USP31: variants seen among roughly 807,000 people sequenced by gnomAD.
The protein encoded by USP31 is ubiquitin carboxyl-terminal hydrolase 31.
A neutral mutation model predicts 119.4 loss-of-function variants in USP31; 44 were observed. The observed-to-expected ratio is 0.37, with a 90% confidence interval of 0.29 to 0.47. The LOEUF (loss-of-function observed/expected upper bound fraction) is 0.47, where lower values mean the gene tolerates loss of function less well. Ranked by LOEUF, USP31 falls within the 20% of genes least tolerant of loss-of-function variation. The pLI, the probability that USP31 is intolerant of heterozygous loss-of-function variation, is 0.99. For missense variants in USP31, 1,643 were observed against 1,730.2 expected, an observed-to-expected ratio of 0.95 and a Z score of 0.89; for synonymous variants, 749 against 705.6, an observed-to-expected ratio of 1.06 and a Z score of -0.97.
rs1903638512 is a variant in USP31, at chr16:23,149,135, G to GCCCGGACGC, written c.127_135dup (p.Ala43_Gly45dup). On this transcript the variant is annotated inframe_insertion, in exon 1 of 16. Transcript: ENST00000219689. ...GAGGAGGGCGAGGAAGGCGCGGCCG[G>GCCCGGACGC]CCCGGACGCCCCGGGGCCCCCCGCG... The GCCCGGACGC allele has an allele frequency of 8.0e-7, 1 of 1,244,112 alleles. No individual in the cohort carries two copies. Among genetic ancestry groups the GCCCGGACGC allele is most frequent in the East Asian group, 4.2e-5 (1 of 23,576 alleles). The allele number at this position is 1,244,112 out of a possible 1,614,324, so 77.1% of individuals were successfully genotyped here.
chr16:23,140,678 T>G (rs913476345), intron 1 of USP31, among the ~76,000 whole-genome samples: 6 of 152,192 alleles, frequency 3.9e-5, no homozygotes, highest in African/African-American at 1.4e-4. Flanking sequence ...TATCTTATCT[T>G]CTGAGTTCCT....
At chr16:23,104,220 T>C (rs1397039513) in intron 5 of USP31, among the ~76,000 whole-genome samples, 1 of 152,218 alleles carries the variant, frequency 6.6e-6, no homozygotes, top group African/African-American at 2.4e-5. Context: ...CGGTGGTATA[T>C]TCCACAAATA....
intron 6 of USP31, among the ~76,000 whole-genome samples, chr16:23,092,775 A>C (rs1178574838): frequency 6.6e-6 from 1 of 152,192 alleles, no homozygotes; most frequent in Non-Finnish European, 1.5e-5. Context: ...AGAAAACTGA[A>C]TTGTAAGCTG....
intron 14 of USP31, 51 bp downstream of exon 14, chr16:23,073,671 T>C: frequency 6.3e-7 from 1 of 1,596,134 alleles, no homozygotes; most frequent in Non-Finnish European, 8.6e-7. Context: ...GACCATTCAT[T>C]ACAATCTTTT....
intron 1 of USP31, among the ~76,000 whole-genome samples, chr16:23,140,951 T>A (rs1476219227): frequency 6.6e-6 from 1 of 152,140 alleles, no homozygotes; most frequent in Non-Finnish European, 1.5e-5. Flanking sequence ...CTTCTCCACC[T>A]CCCTCCACCA....
At chr16:23,148,542 T>C in intron 1 of USP31, 96 bp downstream of exon 1, 2 of 1,371,258 alleles carry the variant, frequency 1.5e-6, no homozygotes, top group East Asian at 3.1e-5. Flanking sequence ...TGCAGAAGCC[T>C]GCCGGGCCAA....
At chr16:23,131,031 T>A (rs1206470913) in intron 1 of USP31, among the ~76,000 whole-genome samples, 1 of 152,198 alleles carries the variant, frequency 6.6e-6, no homozygotes, top group Non-Finnish European at 1.5e-5. Context: ...GAAATTCAGC[T>A]GGGCGCTGTG....
At chr16:23,115,011 T>C (rs867956845) in intron 1 of USP31, among the ~76,000 whole-genome samples, 2 of 150,980 alleles carry the variant, frequency 1.3e-5, no homozygotes, top group Non-Finnish European at 1.5e-5. Flanking sequence ...AATCCTAAGC[T>C]CAAGCTCCGG....
At chr16:23,137,536 ATAAT>A (rs1403746113) in intron 1 of USP31, among the ~76,000 whole-genome samples, 2 of 151,920 alleles carry the variant, frequency 1.3e-5, no homozygotes, top group African/African-American at 2.4e-5. Flanking sequence ...TTGATAAGTG[ATAAT>A]TTACTTATTC....
chr16:23,072,624 T>C (rs1414190653), intron 14 of USP31: 4 of 445,212 alleles, frequency 9.0e-6, no homozygotes, highest in African/African-American at 5.9e-5. Context: ...ATACTCTTTT[T>C]CTCTCAGCCT....
chr16:23,097,891 C>T (rs1901682233), intron 6 of USP31, among the ~76,000 whole-genome samples: 1 of 152,196 alleles, frequency 6.6e-6, no homozygotes, highest in South Asian at 2.1e-4. Context: ...AAACTGGAAG[C>T]ATTCCCTTTG....
intron 5 of USP31, 137 bp from the exon 6 acceptor site, chr16:23,102,600 CT>C: frequency 2.1e-6 from 2 of 954,470 alleles, no homozygotes; most frequent in Non-Finnish European, 2.9e-6. Flanking sequence ...CTTTATTTGC[CT>C]TTAATGAGAG....
chr16:23,122,061 T>C (rs556482488), intron 1 of USP31, among the ~76,000 whole-genome samples: 49 of 152,322 alleles, frequency 3.2e-4, no homozygotes, highest in African/African-American at 1.2e-3. Context: ...TATGGTTTGA[T>C]ATCAATTATG....
intron 11 of USP31, among the ~76,000 whole-genome samples, chr16:23,084,147 T>C (rs75764401): frequency 0.025 from 3,882 of 152,324 alleles, 61 homozygotes; most frequent in African/African-American, 0.042. Flanking sequence ...TTACAACTAG[T>C]AGTCAAAATT....
chr16:23,106,183 C>T (rs2141873782), intron 4 of USP31, 30 bp downstream of exon 4: 1 of 1,612,362 alleles, frequency 6.2e-7, no homozygotes, highest in Non-Finnish European at 8.5e-7. Flanking sequence ...TAAGAAAATA[C>T]AGTCTTCATT....
At position 23,068,933 on chromosome 16, in the gene USP31, G is replaced by A. The variant is rs749580218; in HGVS notation, c.3172C>T (p.Pro1058Ser). The change falls in exon 16 of 16, where the codon CCT becomes TCT. Residue 1058 changes from proline (P) to serine (S), a missense_variant. Around this residue, in one of 5 missense-constraint regions of USP31, gnomAD observed 699 missense variants for 650.9 expected, o/e 1.07. Coordinates refer to ENST00000219689, the MANE Select transcript of USP31 (RefSeq NM_020718.4). ...SQESSLSSTSPSSPLPVKVSL... is the reference protein window; with the variant it reads ...SQESSLSSTSSSSPLPVKVSL... ...ACTTTTACAGGAAGAGGAGAAGAAG[G>A]GGATGTACTTGAAAGGGATGACTCC... 6.2e-7 allele frequency: 1 copy of A among 1,614,012 alleles called. No homozygotes were observed. The highest frequency in any genetic ancestry group is 2.2e-5 in the East Asian group (1 of 44,880).
chr16:23,110,364 A>G (rs1902267213), intron 1 of USP31, among the ~76,000 whole-genome samples: 1 of 152,204 alleles, frequency 6.6e-6, no homozygotes, highest in Non-Finnish European at 1.5e-5. Context: ...CTGGGCCTTG[A>G]AGATTAAGAG....
intron 1 of USP31, among the ~76,000 whole-genome samples, chr16:23,132,064 CA>C (rs1404509131): frequency 6.6e-6 from 1 of 152,124 alleles, no homozygotes; most frequent in Non-Finnish European, 1.5e-5. Flanking sequence ...AGTGACTGGC[CA>C]ATTGCTCTAG....
At chr16:23,129,061 CT>C (rs1174551241) in intron 1 of USP31, among the ~76,000 whole-genome samples, 1 of 152,108 alleles carries the variant, frequency 6.6e-6, no homozygotes, top group African/African-American at 2.4e-5. Flanking sequence ...TTACATATGC[CT>C]TTTTTATGTC....
Sources: allele counts gnomAD v4.1 joint callset (sites outside exome capture counted in the v4.1 genomes callset), GRCh38; gene constraint gnomAD v4.1.1; regional missense constraint gnomAD v4.1.1; transcripts MANE v1.5; gene names NCBI Gene and HGNC (gene_info 2026-07-23, HGNC 2026-07-21).